The following SGCZ variants were observed in gnomAD, a reference collection of about 807,000 sequenced individuals.
SGCZ encodes the protein sarcoglycan zeta, also known as zeta-sarcoglycan.
Under a neutral mutation model 41.3 loss-of-function variants are expected in SGCZ, and 40 were observed. The observed-to-expected ratio is 0.97, with a 90% confidence interval of 0.75 to 1.26. The LOEUF (loss-of-function observed/expected upper bound fraction) is 1.26. SGCZ is among the 50% of genes most tolerant of loss of function. SGCZ has a pLI of 0.00. For missense variants in SGCZ, 552 were observed against 369.8 expected (o/e 1.49, Z -4.04); for synonymous variants, 206 against 137.5 (o/e 1.50, Z -3.49).
chr8:15,175,886 T>C (rs1182367000), intron 1 of SGCZ, among the ~76,000 whole-genome samples: 3 of 152,168 alleles, frequency 2.0e-5, no homozygotes, highest in East Asian at 1.9e-4. Flanking sequence ...AGAAGACTCA[T>C]GTTAGGAACA....
intron 1 of SGCZ, among the ~76,000 whole-genome samples, chr8:14,938,842 A>C (rs755426407): frequency 1.3e-5 from 2 of 151,916 alleles, no homozygotes; most frequent in Non-Finnish European, 2.9e-5. Context: ...TTACAAGTTC[A>C]TTACAGATGC....
At chr8:14,802,907 A>G (rs1801372754) in intron 1 of SGCZ, among the ~76,000 whole-genome samples, 1 of 152,188 alleles carries the variant, frequency 6.6e-6, no homozygotes, top group Non-Finnish European at 1.5e-5. Flanking sequence ...CCTGTCTGCA[A>G]GCATTCAGCT....
At chr8:14,542,522 G>C (rs889899720) in intron 2 of SGCZ, among the ~76,000 whole-genome samples, 11 of 152,036 alleles carry the variant, frequency 7.2e-5, no homozygotes, top group African/African-American at 2.7e-4. Context: ...GGCCTTAAAA[G>C]CATAAAGGAG....
At chr8:14,095,529 T>C (rs1046776748) in intron 7 of SGCZ, among the ~76,000 whole-genome samples, 1 of 152,118 alleles carries the variant, frequency 6.6e-6, no homozygotes, top group East Asian at 1.9e-4. Context: ...TTTGAAGACA[T>C]GTAGCATGAT....
chr8:14,878,948 C>T, intron 1 of SGCZ: 1 of 152,134 alleles, frequency 6.6e-6, no homozygotes. Flanking sequence ...TACCTATTCC[C>T]TATAAAGGTG....
chr8:14,873,400 G>T (rs1306671802), intron 1 of SGCZ, among the ~76,000 whole-genome samples: 3 of 151,952 alleles, frequency 2.0e-5, no homozygotes, highest in Admixed American at 6.6e-5. Context: ...GATTGCCTCT[G>T]GATAACTTTG....
intron 2 of SGCZ, among the ~76,000 whole-genome samples, chr8:14,431,722 A>T (rs1225925284): frequency 6.6e-6 from 1 of 152,230 alleles, no homozygotes; most frequent in Non-Finnish European, 1.5e-5. Context: ...TTGCACGGCA[A>T]AAAGAACAGT....
chr8:14,843,319 T>G (rs1212288223), intron 1 of SGCZ, among the ~76,000 whole-genome samples: 1 of 152,164 alleles, frequency 6.6e-6, no homozygotes, highest in South Asian at 2.1e-4. Flanking sequence ...AAACACGACC[T>G]ATGAGTACAT....
chr8:15,094,005 G>A (rs563888008), intron 1 of SGCZ, among the ~76,000 whole-genome samples: 9 of 152,148 alleles, frequency 5.9e-5, no homozygotes, highest in African/African-American at 2.2e-4. Flanking sequence ...TGCTAGTGGG[G>A]GAAACAGGAG....
At chr8:15,047,118 A>G (rs1804335154) in intron 1 of SGCZ, among the ~76,000 whole-genome samples, 1 of 151,964 alleles carries the variant, frequency 6.6e-6, no homozygotes, top group African/African-American at 2.4e-5. Context: ...CTGCATCCTT[A>G]CCTTGGGTAT....
intron 2 of SGCZ, among the ~76,000 whole-genome samples, chr8:14,400,797 AT>A (rs1799049809): frequency 6.6e-6 from 1 of 152,188 alleles, no homozygotes; most frequent in African/African-American, 2.4e-5. Context: ...ATGCACACAT[AT>A]AAAAAAGAAT....
chr8:14,994,336 C>A (rs1018517085), intron 1 of SGCZ, among the ~76,000 whole-genome samples: 2 of 152,048 alleles, frequency 1.3e-5, no homozygotes, highest in Non-Finnish European at 2.9e-5. Context: ...GTAATCCCAG[C>A]ACTTTGGGAG....
chr8:14,622,884 T>G (rs1036633249), intron 1 of SGCZ, among the ~76,000 whole-genome samples: 2 of 152,204 alleles, frequency 1.3e-5, no homozygotes, highest in African/African-American at 4.8e-5. Flanking sequence ...ATCAGTAACC[T>G]GGGTGGAGAA....
intron 1 of SGCZ, among the ~76,000 whole-genome samples, chr8:14,950,027 T>G (rs1234387961): frequency 6.6e-6 from 1 of 152,090 alleles, no homozygotes; most frequent in Non-Finnish European, 1.5e-5. Context: ...TTTCAAATAC[T>G]GGACCCAGCT....
At chr8:14,184,652 A>C (rs981542278) in intron 4 of SGCZ, among the ~76,000 whole-genome samples, 1 of 152,228 alleles carries the variant, frequency 6.6e-6, no homozygotes, top group Non-Finnish European at 1.5e-5. Context: ...ATGGGTCCTC[A>C]AAAGTACATT....
At chr8:15,185,861 C>G (rs1312161345) in intron 1 of SGCZ, among the ~76,000 whole-genome samples, 3 of 152,002 alleles carry the variant, frequency 2.0e-5, no homozygotes, top group Non-Finnish European at 4.4e-5. Context: ...ATTTTAAACA[C>G]ACTGTATTTT....
intron 1 of SGCZ, among the ~76,000 whole-genome samples, chr8:14,557,748 T>G (rs911026426): frequency 6.6e-6 from 1 of 151,770 alleles, no homozygotes; most frequent in Non-Finnish European, 1.5e-5. Context: ...AGGTCACACC[T>G]CAAGGAACTA....
rs1283246640 is a variant in SGCZ, at chr8:14,795,427, G to A, written c.40-240501C>T. On this transcript the variant is annotated intron_variant, in intron 1 of 7. Transcript: ENST00000382080. ...CTGAGTAAATATATTCATACTTTGGGGTTTTTTTTTCATTTGTTTGTTTTT... is the reference window on the plus strand; with the variant it reads ...CTGAGTAAATATATTCATACTTTGGAGTTTTTTTTTCATTTGTTTGTTTTT... Among the ~76,000 whole-genome samples the A allele has an allele frequency of 8.1e-5, 10 of 123,250 alleles. No individual in the cohort carries two copies. The South Asian group carries it at 2.3e-3, about 28-fold the overall frequency. The allele number at this position is 123,250 out of a possible 152,430, so 80.9% of individuals were successfully genotyped here.
intron 4 of SGCZ, among the ~76,000 whole-genome samples, chr8:14,233,988 G>A (rs963592837): frequency 6.6e-6 from 1 of 151,838 alleles, no homozygotes; most frequent in African/African-American, 2.4e-5. Flanking sequence ...AAATTTGGAG[G>A]AAGAAATCTT....
Sources: allele counts gnomAD v4.1 joint callset (sites outside exome capture counted in the v4.1 genomes callset), GRCh38; gene constraint gnomAD v4.1.1; transcripts MANE v1.5; gene names NCBI Gene and HGNC (gene_info 2026-07-23, HGNC 2026-07-21).